The following CLDN10 variants were observed in gnomAD, a reference collection of about 807,000 sequenced individuals.
The protein encoded by CLDN10 is claudin 10.
In CLDN10, 15 loss-of-function variants were observed where a neutral mutation model predicts 22.9. The ratio of observed to expected loss-of-function variants is 0.65; its 90% CI spans 0.44 to 1.01. CLDN10 has a LOEUF of 1.01. Among genes scored for constraint, CLDN10 ranks in the 50% least tolerant of loss-of-function variants. The pLI is 0.00. For synonymous variants in CLDN10, 114 were observed against 111.4 expected, an observed-to-expected ratio of 1.02 and a Z score of -0.15; for missense variants, 247 against 287.8, an observed-to-expected ratio of 0.86 and a Z score of 1.03.
chr13:95,443,627 G>A (rs935920508), intron 1 of CLDN10, among the ~76,000 whole-genome samples: 2 of 152,182 alleles, frequency 1.3e-5, no homozygotes, highest in Non-Finnish European at 2.9e-5. Context: ...GCAGGTTTAG[G>A]ATTGGCTCAT....
At chr13:95,476,995 G>A (rs2042691331) in intron 1 of CLDN10, among the ~76,000 whole-genome samples, 1 of 152,134 alleles carries the variant, frequency 6.6e-6, no homozygotes, top group Non-Finnish European at 1.5e-5. Flanking sequence ...GAGGAGAGGC[G>A]GGATGCAGAC....
chr13:95,479,739 A>T (rs947803239), intron 1 of CLDN10: 1 of 152,218 alleles, frequency 6.6e-6, no homozygotes, highest in Admixed American at 6.5e-5. Context: ...GACCTTAAGG[A>T]ACTTGATCAA....
chr13:95,436,879 AT>A (rs2042277749), intron 1 of CLDN10, among the ~76,000 whole-genome samples: 4 of 152,226 alleles, frequency 2.6e-5, no homozygotes, highest in Admixed American at 2.0e-4. Context: ...ATAATTATAA[AT>A]TGAGAAAAGA....
chr13:95,483,388 T>C (rs990107158), intron 1 of CLDN10, among the ~76,000 whole-genome samples: 3 of 152,208 alleles, frequency 2.0e-5, no homozygotes, highest in African/African-American at 7.2e-5. Context: ...TTAAAATTTT[T>C]TGTAGAGACA....
chr13:95,434,031 T>C, exon 1 of CLDN10: 2 of 1,614,084 alleles, frequency 1.2e-6, no homozygotes, highest in Non-Finnish European at 1.7e-6. Flanking sequence ...CGCATTTTAC[T>C]ATCTTCAAAG....
chr13:95,510,033 C>T (rs1387823086), intron 1 of CLDN10, among the ~76,000 whole-genome samples: 2 of 152,182 alleles, frequency 1.3e-5, no homozygotes, highest in Admixed American at 1.3e-4. Context: ...ACCAAAACTA[C>T]CAATGTGTTG....
At chr13:95,481,169 C>A (rs1416502099) in intron 1 of CLDN10, among the ~76,000 whole-genome samples, 5 of 152,182 alleles carry the variant, frequency 3.3e-5, no homozygotes, top group Non-Finnish European at 7.3e-5. Flanking sequence ...GCACTCAGAG[C>A]ATGGCCTAGA....
intron 1 of CLDN10, among the ~76,000 whole-genome samples, chr13:95,477,304 C>A (rs916933921): frequency 1.3e-5 from 2 of 152,116 alleles, no homozygotes; most frequent in Non-Finnish European, 2.9e-5. Context: ...TAGTTTAAAT[C>A]ATTTCAGCAG....
chr13:95,529,075 G>T (rs2043314320), intron 1 of CLDN10, among the ~76,000 whole-genome samples: 1 of 151,756 alleles, frequency 6.6e-6, no homozygotes, highest in African/African-American at 2.4e-5. Context: ...AGAACTGGTG[G>T]GGTCAGTAAG....
chr13:95,451,818 C>A (rs1040589249), intron 1 of CLDN10, among the ~76,000 whole-genome samples: 5 of 152,200 alleles, frequency 3.3e-5, no homozygotes, highest in South Asian at 2.1e-4. Context: ...GAGCAAGGAG[C>A]AGACCACAGG....
At chr13:95,476,100 G>A (rs1251344950) in intron 1 of CLDN10, among the ~76,000 whole-genome samples, 8 of 152,152 alleles carry the variant, frequency 5.3e-5, no homozygotes, top group South Asian at 2.1e-4. Context: ...TTTGGGAGGC[G>A]CAAAGGCATG....
chr13:95,527,731 G>A (rs2043299011), intron 1 of CLDN10, among the ~76,000 whole-genome samples: 1 of 152,176 alleles, frequency 6.6e-6, no homozygotes, highest in Non-Finnish European at 1.5e-5. Context: ...GCAAGGCTCA[G>A]TCTCGAAAAC....
At chr13:95,441,846 A>G (rs1002023482) in intron 1 of CLDN10, among the ~76,000 whole-genome samples, 2 of 152,134 alleles carry the variant, frequency 1.3e-5, no homozygotes, top group African/African-American at 2.4e-5. Flanking sequence ...TTCCTGTTAA[A>G]TGGTGATTAA....
intron 3 of CLDN10, among the ~76,000 whole-genome samples, chr13:95,575,656 C>T (rs2043914881): frequency 1.3e-5 from 2 of 151,606 alleles, no homozygotes; most frequent in South Asian, 4.1e-4. Flanking sequence ...TGCCATTGCC[C>T]CTTAAGGGAA....
chr13:95,448,007 G>A (rs905790615), intron 1 of CLDN10, among the ~76,000 whole-genome samples: 17 of 152,266 alleles, frequency 1.1e-4, no homozygotes, highest in African/African-American at 3.9e-4. Context: ...GGCGAGAGGT[G>A]GGGGTGATCT....
intron 1 of CLDN10, among the ~76,000 whole-genome samples, chr13:95,457,327 A>G (rs1226870292): frequency 2.6e-5 from 4 of 152,240 alleles, no homozygotes; most frequent in Non-Finnish European, 5.9e-5. Flanking sequence ...AATCTGCTTC[A>G]GATCAAACAG....
intron 1 of CLDN10, among the ~76,000 whole-genome samples, chr13:95,441,034 T>C (rs982500746): frequency 6.6e-6 from 1 of 152,204 alleles, no homozygotes; most frequent in Non-Finnish European, 1.5e-5. Flanking sequence ...CCTTATCTCA[T>C]TTATCCTGGT....
At chr13:95,488,312 A>T (rs2042828183) in intron 1 of CLDN10, among the ~76,000 whole-genome samples, 1 of 150,840 alleles carries the variant, frequency 6.6e-6, no homozygotes, top group Admixed American at 6.6e-5. Flanking sequence ...AATGTAATAG[A>T]ATTACAGGTG....
At chr13:95,519,135 C>G (rs1209064553) in intron 1 of CLDN10, among the ~76,000 whole-genome samples, 2 of 152,186 alleles carry the variant, frequency 1.3e-5, no homozygotes, top group African/African-American at 4.8e-5. Context: ...TCAGGCACAT[C>G]ATACAAGTTC....
Sources: gnomAD v4.1 joint callset for allele counts (sites outside exome capture counted in the v4.1 genomes callset) on GRCh38, gnomAD v4.1.1 for gene constraint, MANE v1.5 for transcripts, NCBI Gene and HGNC (gene_info 2026-07-23, HGNC 2026-07-21) for gene names.